The following CCN5 variants were observed in gnomAD, a reference collection of about 807,000 sequenced individuals.
The protein encoded by CCN5 is CCN family member 5.
In CCN5, 17 loss-of-function variants were observed where a neutral mutation model predicts 18.7. The observed-to-expected ratio is 0.91, with a 90% confidence interval of 0.62 to 1.36. The LOEUF (loss-of-function observed/expected upper bound fraction) is 1.36. Among genes scored for constraint, CCN5 ranks in the 40% most tolerant of loss-of-function variants. The probability of loss-of-function intolerance (pLI) is 0.00; values close to 1 mark genes in which losing one functional copy is unlikely to be tolerated. For missense variants in CCN5, 367 were observed against 342.9 expected (o/e 1.07, Z -0.56); for synonymous variants, 135 against 145.2 (o/e 0.93, Z 0.50).
At position 44,720,359 on chromosome 20, in the gene CCN5, T is replaced by C. The variant is rs2065890901; in HGVS notation, c.277+246T>C. Reference sequence around the variant, plus strand: ...TCCCCATCCCTACCTGTCCAAATCATTGCCAACTTTCAAAGCCAAGTTCAA... The same window carrying C: ...TCCCCATCCCTACCTGTCCAAATCACTGCCAACTTTCAAAGCCAAGTTCAA... On this transcript the variant is annotated intron_variant, in intron 2 of 3. Coordinates refer to ENST00000190983, the MANE Select transcript of CCN5 (RefSeq NM_003881.4). 5 of 518,920 alleles carry C rather than the reference T, an allele frequency of 9.6e-6. No homozygotes were observed. In the East Asian group the frequency reaches 1.1e-4, roughly 11 times the overall value. 32.1% of individuals were successfully genotyped at this position (518,920 alleles called of 1,614,324 possible). A position where few individuals can be genotyped will look rare whatever the true frequency, so the allele number is the denominator to read the frequency against.
chr20:44,725,996 G>A (rs534773381), intron 3 of CCN5, among the ~76,000 whole-genome samples: 190 of 152,264 alleles, frequency 1.2e-3, no homozygotes, highest in African/African-American at 4.3e-3. Context: ...TCAGGTGCAC[G>A]GCATCTGCAA....
At chr20:44,722,059 C>T (rs957594138) in intron 2 of CCN5, among the ~76,000 whole-genome samples, 1 of 152,192 alleles carries the variant, frequency 6.6e-6, no homozygotes, top group Admixed American at 6.5e-5. Context: ...AGGCCAAAGG[C>T]GTACTTGGGT....
chr20:44,726,152 G>A (rs2065934883), intron 3 of CCN5, among the ~76,000 whole-genome samples: 3 of 152,190 alleles, frequency 2.0e-5, no homozygotes, highest in Non-Finnish European at 2.9e-5. Flanking sequence ...TTCAAGTTAA[G>A]CAGCTGTAGC....
At chr20:44,717,177 G>C (rs912923) in intron 1 of CCN5, among the ~76,000 whole-genome samples, 151,541 of 152,338 alleles carry the variant, frequency 0.99, 75,379 homozygotes, top group Middle Eastern at 1. Context: ...TTACTACACG[G>C]TTTGAGCTCC....
At chr20:44,722,523 A>G (rs1239041902) in intron 2 of CCN5, among the ~76,000 whole-genome samples, 1 of 140,552 alleles carries the variant, frequency 7.1e-6, no homozygotes, top group Non-Finnish European at 1.5e-5. Flanking sequence ...GCTGGTGTGC[A>G]GTGGCAGGAT....
Position 44,727,133 on chromosome 20 carries a change from C to T in CCN5, c.579C>T (p.Pro193=). Reference sequence around the variant, plus strand: ...TCTCTTCCCTGCCCCCTGGTGTCCCCTGCCCAGAATGGAGCACGGCCTGGG... The same window carrying T: ...TCTCTTCCCTGCCCCCTGGTGTCCCTTGCCCAGAATGGAGCACGGCCTGGG... ...GLVSSLPPGV[P]CPEWSTAWGP... The change falls in exon 4 of 4, where the codon CCC becomes CCT. Residue 193 remains proline (P), a synonymous_variant. Coordinates refer to ENST00000190983, the MANE Select transcript of CCN5 (RefSeq NM_003881.4). 6.2e-7 allele frequency: 1 copy of T among 1,611,400 alleles called. No homozygotes were observed. Among genetic ancestry groups the T allele is most frequent in the Non-Finnish European group, 8.5e-7 (1 of 1,178,500 alleles).
At position 44,724,933 on chromosome 20, in the gene CCN5, G is replaced by T. The variant is rs939366496; in HGVS notation, c.473G>T (p.Cys158Phe). Residue 158 changes from cysteine to phenylalanine, a missense_variant, in exon 3 of 4, where the codon TGC becomes TTC. Cys to Phe is a radical substitution (Grantham distance 205). Coordinates refer to ENST00000190983, the MANE Select transcript of CCN5 (RefSeq NM_003881.4). ...AGGGTCGAGGTCCTGGGCAAGTGCT[G>T]CCCTGAGTGGGTGTGCGGCCAAGGA... ...PRRVEVLGKC[C>F]PEWVCGQGGG... 6.3e-7 allele frequency: 1 copy of T among 1,597,248 alleles called. No homozygotes were observed. Among genetic ancestry groups the T allele is most frequent in the Non-Finnish European group, 8.5e-7 (1 of 1,173,538 alleles).
Position 44,727,502 on chromosome 20 carries a change from C to G in CCN5, c.*195C>G, listed in dbSNP as rs1257961747. On this transcript the variant is annotated 3_prime_UTR_variant, in exon 4 of 4. Transcript: ENST00000190983. ...TGGATCCCGAGGTATGGCAGAGGTGCAAGACCTAGTCCCCTTTCCTCTAAC... is the reference window on the plus strand; with the variant it reads ...TGGATCCCGAGGTATGGCAGAGGTGGAAGACCTAGTCCCCTTTCCTCTAAC... 6 of 1,417,154 alleles carry G rather than the reference C, an allele frequency of 4.2e-6. No homozygotes were observed. The highest frequency in any genetic ancestry group is 5.5e-6 in the Non-Finnish European group (6 of 1,081,940). 87.8% of individuals were successfully genotyped at this position (1,417,154 alleles called of 1,614,324 possible).
At chr20:44,719,792 GGT>G in intron 1 of CCN5, 103 bp from the exon 2 acceptor site, 1 of 1,206,668 alleles carries the variant, frequency 8.3e-7, no homozygotes, top group Non-Finnish European at 1.2e-6. Context: ...CTGAGGCTAA[GGT>G]GTGGACACCA....
At chr20:44,720,450 A>T in intron 2 of CCN5, 1 of 422,744 alleles carries the variant, frequency 2.4e-6, no homozygotes, top group Non-Finnish European at 4.3e-6. Flanking sequence ...CCTTCTCAGG[A>T]TCCTTACAAC....
upstream of CCN5, chr20:44,715,267 G>A (rs1980803): frequency 0.85 from 536,533 of 628,576 alleles, 229,880 homozygotes; most frequent in Non-Finnish European, 0.9. Flanking sequence ...GTGTGAGCGC[G>A]CGCGCGCGCG....
Position 44,727,311 on chromosome 20 carries a change from C to G in CCN5, c.*4C>G, listed in dbSNP as rs371417456. The G allele has an allele frequency of 1.7e-5, 27 of 1,603,832 alleles. No homozygotes were observed. The South Asian group carries it at 2.9e-4, about 17-fold the overall frequency. ...TCCACAAAACAGTGCCTTCTAGAGC[C>G]GGGCTGGGAATGGGGACACGGTGTC... On this transcript the variant is annotated 3_prime_UTR_variant, in exon 4 of 4. Transcript: ENST00000190983.
Position 44,727,541 on chromosome 20 carries a change from G to T in CCN5, c.*234G>T. On this transcript the variant is annotated 3_prime_UTR_variant, in exon 4 of 4. Coordinates refer to ENST00000190983, the MANE Select transcript of CCN5 (RefSeq NM_003881.4). Reference sequence around the variant, plus strand: ...CTTTCCTCTAACTCACTGCCTAGGAGGCTGGCCAAGGTGTCCAGGGTCCTC... The same window carrying T: ...CTTTCCTCTAACTCACTGCCTAGGATGCTGGCCAAGGTGTCCAGGGTCCTC... 7.3e-7 allele frequency: 1 copy of T among 1,369,954 alleles called. No homozygotes were observed. Among genetic ancestry groups the T allele is most frequent in the African/African-American group, 1.5e-5 (1 of 66,934 alleles). The allele number at this position is 1,369,954 out of a possible 1,614,324, so 84.9% of individuals were successfully genotyped here.
At chr20:44,725,709 T>C (rs1421139112) in intron 3 of CCN5, among the ~76,000 whole-genome samples, 1 of 146,574 alleles carries the variant, frequency 6.8e-6, no homozygotes, top group Non-Finnish European at 1.5e-5. Context: ...TTTAGTAATT[T>C]ATTATTATTT....
chr20:44,720,074 C>G lies in CCN5; in HGVS notation c.238C>G (p.Pro80Ala), dbSNP rs759915413. Residue 80 changes from proline to alanine, a missense_variant, in exon 2 of 4, where the codon CCC (proline) becomes GCC (alanine). Coordinates refer to ENST00000190983, the MANE Select transcript of CCN5 (RefSeq NM_003881.4). ...CGCCAGCCAGGGCCTGGTCTGCCAG[C>G]CCGGGGCAGGACCCGGTGGCCGGGG... ...CDASQGLVCQ[P>A]GAGPGGRGAL... 6 of 1,577,420 alleles carry G rather than the reference C, an allele frequency of 3.8e-6. No homozygotes were observed. In the East Asian group the frequency reaches 1.1e-4, roughly 30 times the overall value.
At position 44,717,985 on chromosome 20, in the gene CCN5, T is replaced by C. The variant is rs2065872028; in HGVS notation, c.61-1912T>C. Among the ~76,000 whole-genome samples the C allele has an allele frequency of 4.6e-5, 7 of 152,286 alleles. No individual in the cohort carries two copies. The South Asian group carries it at 1.4e-3, about 32-fold the overall frequency. ...TTATAGAGGGGCTCCAGATGCTGCC[T>C]CTCTGACAAGCTCCTAGATGACGCT... On this transcript the variant is annotated intron_variant, in intron 1 of 3. Coordinates refer to ENST00000190983, the MANE Select transcript of CCN5 (RefSeq NM_003881.4).
Position 44,727,666 on chromosome 20 carries a change from C to T in CCN5, c.*359C>T. On this transcript the variant is annotated 3_prime_UTR_variant, in exon 4 of 4. Coordinates refer to ENST00000190983, the MANE Select transcript of CCN5 (RefSeq NM_003881.4). ...GGGCAAGAGATGGGACAAGCAGTCC[C>T]TTAATATTGAGGCTGCAGCAGGTGC... is the stretch of plus-strand genomic sequence containing the variant. The T allele has an allele frequency of 1.7e-6, 1 of 597,106 alleles. No homozygotes were observed. Among genetic ancestry groups the T allele is most frequent in the Non-Finnish European group, 2.4e-6 (1 of 409,136 alleles). 37.0% of individuals were successfully genotyped at this position (597,106 alleles called of 1,614,324 possible). A position where few individuals can be genotyped will look rare whatever the true frequency, so the allele number is the denominator to read the frequency against.
upstream of CCN5, chr20:44,715,348 C>CA: frequency 6.4e-7 from 1 of 1,569,270 alleles, no homozygotes; most frequent in Non-Finnish European, 8.6e-7. Flanking sequence ...CATAAAGACT[C>CA]ACAGGTCCGC....
At chr20:44,719,798 G>A (rs919976991) in intron 1 of CCN5, 99 bp from the exon 2 acceptor site, 10 of 1,293,710 alleles carry the variant, frequency 7.7e-6, no homozygotes, top group Non-Finnish European at 1.1e-5. Flanking sequence ...CTAAGGTGTG[G>A]ACACCACACT....
Sources: gnomAD v4.1 joint callset for allele counts (sites outside exome capture counted in the v4.1 genomes callset) on GRCh38, gnomAD v4.1.1 for gene constraint, MANE v1.5 for transcripts, NCBI Gene and HGNC (gene_info 2026-07-23, HGNC 2026-07-21) for gene names.